The following UNC80 variants were observed in gnomAD, a reference collection of about 807,000 sequenced individuals.
The protein encoded by UNC80 is protein unc-80 homolog.
Under a neutral mutation model 384.6 loss-of-function variants are expected in UNC80, and 164 were observed. That is an observed-to-expected ratio of 0.43 (90% confidence interval 0.38 to 0.49). The LOEUF is 0.49. UNC80 is among the 20% of genes least tolerant of loss of function. The pLI is 0.00. For synonymous variants in UNC80, 1,486 were observed against 1,527.8 expected (o/e 0.97, Z 0.64); for missense variants, 3,330 against 4,143.0 (o/e 0.80, Z 5.39).
At chr2:209,913,136 A>G (rs1390445822) in intron 30 of UNC80, among the ~76,000 whole-genome samples, 2 of 152,220 alleles carry the variant, frequency 1.3e-5, no homozygotes, top group African/African-American at 4.8e-5. Flanking sequence ...AAAATGGTTC[A>G]TGTACCTACT....
intron 42 of UNC80, among the ~76,000 whole-genome samples, chr2:209,938,676 G>GTCTCTCTCTCTCTC (rs10555565): frequency 7.0e-4 from 96 of 137,458 alleles, no homozygotes; most frequent in African/African-American, 2.1e-3. Context: ...CCTAGTCTCT[G>GTCTCTCTCTCTCTC]TCTCTCTCTC....
intron 61 of UNC80, among the ~76,000 whole-genome samples, chr2:209,990,035 C>T (rs2093363633): frequency 6.6e-6 from 1 of 152,112 alleles, no homozygotes; most frequent in Non-Finnish European, 1.5e-5. Context: ...GTATCATTTA[C>T]AGAACAGCTA....
chr2:209,902,027 C>T (rs1202933952), intron 28 of UNC80, among the ~76,000 whole-genome samples: 1 of 151,890 alleles, frequency 6.6e-6, no homozygotes, highest in Non-Finnish European at 1.5e-5. Context: ...TTGAAAGCTT[C>T]TGGAAATGAC....
chr2:209,936,880 T>A lies in UNC80; in HGVS notation c.6310T>A (p.Ser2104Thr). ...GTTTTTTAATATCCCAGAATCCCAG[T>A]CAACACATTATTTTCTTATGGATAA... ...LEFFNIPESQ[S>T]THYFLMDKRW... Residue 2104 changes from serine to threonine, a missense_variant, in exon 41 of 65, where the codon TCA becomes ACA. By Grantham distance (58) the Ser-to-Thr change is moderately conservative. Transcript: ENST00000673920. The A allele has an allele frequency of 6.4e-7, 1 of 1,551,160 alleles. No individual in the cohort carries two copies. The highest frequency in any genetic ancestry group is 8.7e-7 in the Non-Finnish European group (1 of 1,146,526).
chr2:209,970,618 A>G (rs562102247), intron 53 of UNC80, among the ~76,000 whole-genome samples: 1 of 152,376 alleles, frequency 6.6e-6, no homozygotes, highest in Admixed American at 6.5e-5. Context: ...ACTATAAACA[A>G]CATTCTACAA....
chr2:209,976,260 G>A lies in UNC80; in HGVS notation c.8729G>A (p.Arg2910Gln), dbSNP rs2093011162. ...TTCCTCGACTTCATCGTGCGGACCCGAATACCCATCTTTGTGCTTTTGCGC... is the reference window on the plus strand; with the variant it reads ...TTCCTCGACTTCATCGTGCGGACCCAAATACCCATCTTTGTGCTTTTGCGC... ...WDFLDFIVRT[R>Q]IPIFVLLRPF... The change falls in exon 57 of 65, where the codon CGA becomes CAA. Residue 2910 changes from arginine (R) to glutamine (Q), a missense_variant. Around this residue, in one of 8 missense-constraint regions of UNC80, gnomAD observed 1,049 missense variants for 1,488.6 expected, o/e 0.70. Transcript: ENST00000673920. This position sits in a 1 kb window ranked among gnomAD's most constrained non-coding sequence, Gnocchi z 4.3. The A allele has an allele frequency of 1.3e-6, 2 of 1,551,712 alleles. No homozygotes were observed. The highest frequency in any genetic ancestry group is 1.2e-5 in the South Asian group (1 of 84,056).
At chr2:209,928,248 A>G (rs1380010219) in intron 36 of UNC80, among the ~76,000 whole-genome samples, 4 of 152,184 alleles carry the variant, frequency 2.6e-5, no homozygotes, top group Admixed American at 2.6e-4. Context: ...AGGCAGGAGA[A>G]TTGCTTGAAC....
chr2:209,789,663 GTGTGAAGGGAAAGACA>G, intron 6 of UNC80, 58 bp downstream of exon 6: 1 of 1,235,972 alleles, frequency 8.1e-7, no homozygotes, highest in South Asian at 1.2e-5. Context: ...ACATAGTGTA[GTGTGAAGGGAAAGACA>G]TGAGTTCTAG....
At chr2:209,985,671 T>C (rs2125026254) in intron 61 of UNC80, among the ~76,000 whole-genome samples, 1 of 152,346 alleles carries the variant, frequency 6.6e-6, no homozygotes, top group South Asian at 2.1e-4. Flanking sequence ...CCTAATCTTG[T>C]GCTGTTGATT....
intron 28 of UNC80, among the ~76,000 whole-genome samples, chr2:209,901,619 C>T (rs1393911502): frequency 6.6e-6 from 1 of 152,086 alleles, no homozygotes; most frequent in Non-Finnish European, 1.5e-5. Context: ...ACTTTCAAGT[C>T]TTATGATTTA....
At position 209,839,858 on chromosome 2, in the gene UNC80, A is replaced by C. The variant is rs770027467; in HGVS notation, c.3250+428A>C. Among the ~76,000 whole-genome samples, 1 of 152,198 alleles carries C rather than the reference A, an allele frequency of 6.6e-6. No individual in the cohort carries two copies. The highest frequency in any genetic ancestry group is 1.5e-5 in the Non-Finnish European group (1 of 68,034). On this transcript the variant is annotated intron_variant, in intron 19 of 64. Transcript: ENST00000673920. The surrounding 1 kb of genome is among the most constrained non-coding windows in gnomAD (Gnocchi z 4.1). Reference sequence around the variant, plus strand: ...AGGCAGAAATCAGGGAAGGCTTCCTAGTGGTAGTGGCATTAAGATCTCCGG... The same window carrying C: ...AGGCAGAAATCAGGGAAGGCTTCCTCGTGGTAGTGGCATTAAGATCTCCGG...
intron 24 of UNC80, among the ~76,000 whole-genome samples, chr2:209,880,181 T>G (rs1054895958): frequency 6.6e-6 from 1 of 152,216 alleles, no homozygotes; most frequent in African/African-American, 2.4e-5. Context: ...ATCTGAGAAC[T>G]AATTCTGAGA....
At chr2:209,813,981 C>T in intron 8 of UNC80, 140 bp downstream of exon 8, 1 of 1,113,160 alleles carries the variant, frequency 9.0e-7, no homozygotes, top group South Asian at 1.7e-5. Flanking sequence ...TTATCTTTTC[C>T]CTTCCATCTT....
At chr2:209,785,579 G>C (rs1342831951) in intron 4 of UNC80, among the ~76,000 whole-genome samples, 2 of 152,046 alleles carry the variant, frequency 1.3e-5, no homozygotes, top group African/African-American at 4.8e-5. Flanking sequence ...ACTATGAAGG[G>C]TCAAATTATA....
In UNC80 at chr2:209,880,981, T is replaced by G; in HGVS notation, c.3997T>G (p.Cys1333Gly). ...LDDSTVNPSK[C>G]GCPFALKMAA... is the part of the protein sequence containing the mutation. ...CCTAGGTACTGTGAACCCCTCTAAA[T>G]GCGGTTGCCCCTTTGCCTTGAAGAT... The change falls in exon 25 of 65, where the codon TGC (cysteine) becomes GGC (glycine). Residue 1333 changes from cysteine (C) to glycine (G), a missense_variant. By Grantham distance (159) the Cys-to-Gly change is radical. Coordinates refer to ENST00000673920, the MANE Select transcript of UNC80 (RefSeq NM_001371986.1). 1 of 1,552,158 alleles carries G rather than the reference T, an allele frequency of 6.4e-7. No individual in the cohort carries two copies. Among genetic ancestry groups the G allele is most frequent in the Non-Finnish European group, 8.7e-7 (1 of 1,147,074 alleles).
chr2:209,815,968 AT>A (rs368120100), intron 9 of UNC80, among the ~76,000 whole-genome samples: 11 of 152,234 alleles, frequency 7.2e-5, no homozygotes, highest in African/African-American at 2.6e-4. Context: ...ATATGTATAT[AT>A]ATAGTGGTTT....
intron 23 of UNC80, among the ~76,000 whole-genome samples, chr2:209,877,667 C>A (rs540122901): frequency 1.3e-5 from 2 of 152,246 alleles, no homozygotes; most frequent in East Asian, 3.9e-4. Flanking sequence ...AAATAAATAA[C>A]CTTTGAGTAA....
intron 7 of UNC80, among the ~76,000 whole-genome samples, chr2:209,810,222 C>T (rs868321667): frequency 1.3e-5 from 2 of 152,116 alleles, no homozygotes; most frequent in Non-Finnish European, 2.9e-5. Context: ...TGTCACTTGT[C>T]GGTGGCCTAA....
intron 29 of UNC80, 35 bp downstream of exon 29, chr2:209,905,000 T>G: frequency 6.5e-7 from 1 of 1,542,262 alleles, no homozygotes; most frequent in South Asian, 1.2e-5. Context: ...ATTCTAATAC[T>G]AGAAACATGA....
Sources: gnomAD v4.1 joint callset for allele counts (sites outside exome capture counted in the v4.1 genomes callset) on GRCh38, gnomAD v4.1.1 for gene constraint, gnomAD v4.1.1 regional missense constraint, Gnocchi (gnomAD v3.1) non-coding constraint, MANE v1.5 for transcripts, NCBI Gene and HGNC (gene_info 2026-07-23, HGNC 2026-07-21) for gene names.